Variants in MYO1A observed in about 807,000 individuals in gnomAD.
MYO1A encodes myosin IA.
MYO1A carries 127 observed loss-of-function variants against 138.5 expected under a neutral mutation model. The ratio of observed to expected loss-of-function variants is 0.92; its 90% CI spans 0.79 to 1.06. MYO1A has a LOEUF of 1.06. Ranked by LOEUF, MYO1A falls within the 50% of genes least tolerant of loss-of-function variation. The pLI, the probability that MYO1A is intolerant of heterozygous loss-of-function variation, is 0.00. For synonymous variants in MYO1A, 477 were observed against 497.5 expected (o/e 0.96, Z 0.55); for missense variants, 1,211 against 1,288.8 (o/e 0.94, Z 0.92).
At chr12:57,028,953 C>T (rs1328140012) in intron 27 of MYO1A, 72 bp from the exon 28 acceptor site, 70 of 1,595,632 alleles carry the variant, frequency 4.4e-5, no homozygotes, top group Non-Finnish European at 5.9e-5. Context: ...CATGATGGCC[C>T]CCCCATCATG....
intron 8 of MYO1A, among the ~76,000 whole-genome samples, chr12:57,044,449 T>C (rs967273082): frequency 1.3e-5 from 2 of 152,186 alleles, no homozygotes; most frequent in Admixed American, 6.5e-5. Context: ...AGGGCAGTGG[T>C]GCGATCTCAG....
At chr12:57,032,899 GA>G (rs999710768) in intron 22 of MYO1A, among the ~76,000 whole-genome samples, 2 of 151,986 alleles carry the variant, frequency 1.3e-5, no homozygotes, top group African/African-American at 4.8e-5. Flanking sequence ...CAGAAAAGTT[GA>G]AAAAAGATAC....
At position 57,048,087 on chromosome 12, in the gene MYO1A, C is replaced by A; in HGVS notation, c.132G>T (p.Val44=). 1 of 1,614,100 alleles carries A rather than the reference C, an allele frequency of 6.2e-7. No homozygotes were observed. Among genetic ancestry groups the A allele is most frequent in the Non-Finnish European group, 8.5e-7 (1 of 1,179,944 alleles). The part of the protein sequence containing the change: ...NKEIYTYIGN[V]VISVNPYQQL... Reference sequence around the variant, plus strand: ...GTTGATAGGGATTCACTGAGATCACCACATTCCCAATGTAGGTCTGGAGCC... The same window carrying A: ...GTTGATAGGGATTCACTGAGATCACAACATTCCCAATGTAGGTCTGGAGCC... The change falls in exon 3 of 28, where the codon GTG becomes GTT. Residue 44 remains valine, a synonymous_variant. Transcript: ENST00000300119.
chr12:57,050,304 T>C (rs1343680382), upstream of MYO1A, among the ~76,000 whole-genome samples: 1 of 152,214 alleles, frequency 6.6e-6, no homozygotes, highest in Non-Finnish European at 1.5e-5. Context: ...TCTTGCTCCA[T>C]TGTCTCCCAA....
chr12:57,029,608 G>C (rs746997377), intron 25 of MYO1A, 21 bp from the exon 26 acceptor site: 11 of 1,614,054 alleles, frequency 6.8e-6, no homozygotes, highest in Middle Eastern at 1.6e-4. Context: ...AACAGGCAAG[G>C]GTGAGGAAAG....
chr12:57,041,143 G>T, intron 14 of MYO1A, 41 bp downstream of exon 14: 2 of 1,475,432 alleles, frequency 1.4e-6, no homozygotes, highest in South Asian at 1.1e-5. Context: ...CATATGCCTA[G>T]AAGTTGTTTA....
intron 19 of MYO1A, among the ~76,000 whole-genome samples, 167 bp downstream of exon 19, chr12:57,037,381 C>T (rs1429803378): frequency 6.6e-6 from 1 of 152,166 alleles, no homozygotes; most frequent in Non-Finnish European, 1.5e-5. Context: ...AGTGTAGGAA[C>T]CCAAGAGTTC....
intron 18 of MYO1A, 100 bp from the exon 19 acceptor site, chr12:57,037,741 C>G: frequency 6.7e-7 from 1 of 1,490,690 alleles, no homozygotes; most frequent in Non-Finnish European, 9.4e-7. Context: ...AGTGATCATT[C>G]AATTCATTTC....
rs975844287 is a variant in MYO1A, at chr12:57,029,190, T to G, written c.2947A>C (p.Met983Leu). The G allele has an allele frequency of 6.2e-7, 1 of 1,614,150 alleles. No homozygotes were observed. The highest frequency in any genetic ancestry group is 1.3e-5 in the African/African-American group (1 of 75,050). ...GTGGCATCCAGCACAGCCCGGTACATTTTGGTCAGCAGTTCAATCACATGC... is the reference window on the plus strand; with the variant it reads ...GTGGCATCCAGCACAGCCCGGTACAGTTTGGTCAGCAGTTCAATCACATGC... ...SEHVIELLTK[M>L]YRAVLDATQR... The change falls in exon 27 of 28, where the codon ATG becomes CTG. Residue 983 changes from methionine to leucine, a missense_variant. Transcript: ENST00000300119.
chr12:57,036,651 C>T lies in MYO1A; in HGVS notation c.2274+121G>A, dbSNP rs4143085. On this transcript the variant is annotated intron_variant, in intron 21 of 27. Transcript: ENST00000300119. ...CCCAGACACCCACCCACACATGGAC[C>T]GGCTGATACACAGAGGTGCGGCCTG... is the stretch of plus-strand genomic sequence containing the variant. The T allele has an allele frequency of 2.6e-4, 325 of 1,228,280 alleles. 3 individuals are homozygous for T. The African/African-American group carries it at 3.9e-3, about 15-fold the overall frequency. 76.1% of individuals were successfully genotyped at this position (1,228,280 alleles called of 1,614,324 possible). A position where few individuals can be genotyped will look rare whatever the true frequency, so the allele number is the denominator to read the frequency against.
intron 22 of MYO1A, among the ~76,000 whole-genome samples, chr12:57,035,083 C>T (rs1423483580): frequency 6.6e-6 from 1 of 152,172 alleles, no homozygotes; most frequent in African/African-American, 2.4e-5. Context: ...AATCAGTGCC[C>T]AGTGCCCGCA....
chr12:57,032,576 T>A (rs1390472887), intron 22 of MYO1A, among the ~76,000 whole-genome samples: 2 of 152,010 alleles, frequency 1.3e-5, no homozygotes, highest in Admixed American at 6.6e-5. Flanking sequence ...CCAGCTACTC[T>A]AGAGGTTGAG....
At chr12:57,047,952 G>A in intron 3 of MYO1A, 37 bp downstream of exon 3, 1 of 1,594,756 alleles carries the variant, frequency 6.3e-7, no homozygotes, top group South Asian at 1.1e-5. Context: ...TCAAGAAGCT[G>A]GGGCCCTGTC....
At position 57,047,042 on chromosome 12, in the gene MYO1A, TG is replaced by T; in HGVS notation, c.477+18del. ...AGCCCCCACATCCTCTCTTCCCAGG[TG>T]GGGAGACATTTACTCACAAATCGGG... On this transcript the variant is annotated intron_variant, in intron 6 of 27. Transcript: ENST00000300119. The T allele has an allele frequency of 6.2e-7, 1 of 1,613,838 alleles. No individual in the cohort carries two copies. The highest frequency in any genetic ancestry group is 8.5e-7 in the Non-Finnish European group (1 of 1,179,812).
rs750775990 is a variant in MYO1A, at chr12:57,029,567, G to A, written c.2745C>T (p.Leu915=). 1.2e-6 allele frequency: 2 copies of A among 1,614,246 alleles called. No homozygotes were observed. The highest frequency in any genetic ancestry group is 1.7e-6 in the Non-Finnish European group (2 of 1,180,038). Residue 915 remains leucine (L), a synonymous_variant, in exon 26 of 28, where the codon CTC becomes CTT. Transcript: ENST00000300119. ...TGAGAATCACATGGCCCTTGGTCAGGAGGAGAATCCGAGAAGAAGTCTAGG... is the reference window on the plus strand; with the variant it reads ...TGAGAATCACATGGCCCTTGGTCAGAAGGAGAATCCGAGAAGAAGTCTAGG... ...GNGKTSSRIL[L]LTKGHVILTD... is the part of the protein sequence containing the mutation.
intron 7 of MYO1A, 34 bp downstream of exon 7, chr12:57,046,829 G>A: frequency 6.2e-7 from 1 of 1,608,640 alleles, no homozygotes; most frequent in Non-Finnish European, 8.5e-7. Context: ...GAGGCAGGTG[G>A]AAGACAGGTG....
chr12:57,030,145 G>C, intron 24 of MYO1A, 65 bp downstream of exon 24: 1 of 1,410,510 alleles, frequency 7.1e-7, no homozygotes, highest in Non-Finnish European at 1.0e-6. Context: ...TGATTCTAAG[G>C]CACGCTCAAG....
chr12:57,047,777 T>C lies in MYO1A; in HGVS notation c.231-56A>G. ...GTGAAACCAGTTCAAGACACCATCT[T>C]TCACTCAATCTCCAGCACGCAGGTT... On this transcript the variant is annotated intron_variant, in intron 3 of 27. Transcript: ENST00000300119. The C allele has an allele frequency of 1.9e-6, 3 of 1,607,074 alleles. No homozygotes were observed. In the South Asian group the frequency reaches 3.3e-5, roughly 18 times the overall value.
At chr12:57,042,701 T>C (rs1001394823) in intron 12 of MYO1A, among the ~76,000 whole-genome samples, 1 of 152,198 alleles carries the variant, frequency 6.6e-6, no homozygotes, top group African/African-American at 2.4e-5. Context: ...CAAGTGATCC[T>C]CCCACCTCAG....
Sources: allele counts gnomAD v4.1 joint callset (sites outside exome capture counted in the v4.1 genomes callset), GRCh38; gene constraint gnomAD v4.1.1; transcripts MANE v1.5; gene names NCBI Gene and HGNC (gene_info 2026-07-23, HGNC 2026-07-21).